NMBR: variants seen among roughly 807,000 people sequenced by gnomAD.
NMBR encodes the protein neuromedin B receptor.
NMBR carries 16 observed loss-of-function variants against 20.5 expected under a neutral mutation model. The ratio of observed to expected loss-of-function variants is 0.78; its 90% CI spans 0.53 to 1.19. The LOEUF is 1.19. NMBR is among the 50% of genes most tolerant of loss of function. The pLI is 0.00. For synonymous variants in NMBR, 212 were observed against 196.6 expected (o/e 1.08, Z -0.65); for missense variants, 582 against 499.1 (o/e 1.17, Z -1.58).
In NMBR at chr6:142,089,024, A is replaced by G. The variant is rs754186720; in HGVS notation, c.-366T>C. On this transcript the variant is annotated 5_prime_UTR_variant, in exon 2 of 4. Coordinates refer to ENST00000258042, the MANE Select transcript of NMBR (RefSeq NM_002511.4). Reference sequence around the variant, plus strand: ...GAGCTGTCCCTTGGGGATCAGTAGAAGCACCTGCCGGACTCTTCGCCCAGA... The same window carrying G: ...GAGCTGTCCCTTGGGGATCAGTAGAGGCACCTGCCGGACTCTTCGCCCAGA... 5.7e-6 allele frequency: 1 copy of G among 176,924 alleles called. No individual in the cohort carries two copies. The highest frequency in any genetic ancestry group is 2.4e-5 in the African/African-American group (1 of 42,322). The allele number at this position is 176,924 out of a possible 1,614,324, so 11.0% of individuals were successfully genotyped here. A position where few individuals can be genotyped will look rare whatever the true frequency, so the allele number is the denominator to read the frequency against.
intron 2 of NMBR, among the ~76,000 whole-genome samples, chr6:142,087,439 G>A (rs1423967024): frequency 3.3e-5 from 5 of 152,078 alleles, no homozygotes; most frequent in Non-Finnish European, 7.4e-5. Context: ...TGGACCCTGA[G>A]TCAGGAGACT....
At chr6:142,095,741 T>G (rs1222907944) in intron 1 of NMBR, among the ~76,000 whole-genome samples, 2 of 152,230 alleles carry the variant, frequency 1.3e-5, no homozygotes, top group Non-Finnish European at 2.9e-5. Flanking sequence ...CAGTTCCTCC[T>G]TGTACCTCTG....
intron 1 of NMBR, among the ~76,000 whole-genome samples, chr6:142,129,742 A>T (rs1289793146): frequency 6.6e-6 from 1 of 152,166 alleles, no homozygotes; most frequent in Non-Finnish European, 1.5e-5. Context: ...AATATATAGT[A>T]GTCTGTATAA....
At chr6:142,118,806 A>G (rs1463790976) in intron 1 of NMBR, among the ~76,000 whole-genome samples, 3 of 151,982 alleles carry the variant, frequency 2.0e-5, no homozygotes, top group Non-Finnish European at 4.4e-5. Context: ...ACAAAGGGTG[A>G]GAGTAGCAGA....
intron 1 of NMBR, among the ~76,000 whole-genome samples, chr6:142,130,830 C>A (rs918445626): frequency 3.3e-5 from 5 of 152,076 alleles, no homozygotes; most frequent in Admixed American, 2.6e-4. Context: ...CCACTGACAA[C>A]AATGGACCAG....
intron 3 of NMBR, 29 bp from the exon 4 acceptor site, chr6:142,076,078 G>T (rs757632828): frequency 6.5e-7 from 1 of 1,529,946 alleles, no homozygotes; most frequent in Non-Finnish European, 8.7e-7. Flanking sequence ...GATCCCATTG[G>T]TTAAAGTGAA....
At position 142,084,778 on chromosome 6, in the gene NMBR, C is replaced by T. The variant is rs77051553; in HGVS notation, c.422+3459G>A. Among the ~76,000 whole-genome samples the T allele has an allele frequency of 1.6e-3, 247 of 152,262 alleles. 4 individuals carry two copies. The East Asian group carries it at 0.041, about 25-fold the overall frequency. ...TTCCAAATTTGGAAACGCAGCTACT[C>T]ATATACAGAGAAAGAGATAACTATA... is the stretch of plus-strand genomic sequence containing the variant. On this transcript the variant is annotated intron_variant, in intron 2 of 3. Transcript: ENST00000258042.
intron 1 of NMBR, among the ~76,000 whole-genome samples, chr6:142,097,250 G>A (rs1387456406): frequency 3.3e-5 from 5 of 152,138 alleles, no homozygotes; most frequent in African/African-American, 4.8e-5. Context: ...GTTAGTTGAT[G>A]CAGTTTCTTC....
In NMBR at chr6:142,088,974, C is replaced by G. The variant is rs1355824886; in HGVS notation, c.-316G>C. Among the ~76,000 whole-genome samples the G allele has an allele frequency of 6.6e-6, 1 of 151,734 alleles. No homozygotes were observed. The highest frequency in any genetic ancestry group is 1.5e-5 in the Non-Finnish European group (1 of 67,976). On this transcript the variant is annotated 5_prime_UTR_variant, in exon 2 of 4. Transcript: ENST00000258042. ...GTGGTTTGTTCTCGCGGTTATCTAG[C>G]GGAAAACAGCCTTTCAGGAACAAGG...
rs6940135 is a variant in NMBR at position 142,106,788 on chromosome 6, C to A, written c.-663-17467G>T. Reference sequence around the variant, plus strand: ...AATATTGTATTGCCATTTGCTCAAACTAAGGGAAAAATACAGTGCCCAAGT... The same window carrying A: ...AATATTGTATTGCCATTTGCTCAAAATAAGGGAAAAATACAGTGCCCAAGT... On this transcript the variant is annotated intron_variant, in intron 1 of 3. Transcript: ENST00000258042. 1.0e-2 allele frequency among the ~76,000 whole-genome samples: 1,520 copies of A among 152,270 alleles called. 23 individuals carry two copies. Among genetic ancestry groups the A allele is most frequent in the African/African-American group, 0.033 (1,385 of 41,554 alleles).
Position 142,088,539 on chromosome 6 carries a change from C to G in NMBR, c.120G>C (p.Leu40Phe). ...LPASDGTTTE[L>F]VIRCVIPSLY... ...GGGACGGGATCACACAGCGGATCAC[C>G]AACTCCGTGGTGGTCCCGTCCGAGG... The change falls in exon 2 of 4, where the codon TTG becomes TTC. Residue 40 changes from leucine (L) to phenylalanine (F), a missense_variant. Leu to Phe is a conservative substitution (Grantham distance 22, BLOSUM62 0). Coordinates refer to ENST00000258042, the MANE Select transcript of NMBR (RefSeq NM_002511.4). 6.2e-7 allele frequency: 1 copy of G among 1,614,054 alleles called. No individual in the cohort carries two copies. The highest frequency in any genetic ancestry group is 8.5e-7 in the Non-Finnish European group (1 of 1,180,022).
chr6:142,076,777 T>C (rs895864852), intron 3 of NMBR, among the ~76,000 whole-genome samples: 8 of 152,236 alleles, frequency 5.3e-5, no homozygotes, highest in African/African-American at 1.9e-4. Flanking sequence ...AGGGGTACCT[T>C]ACATTTGTCT....
intron 1 of NMBR, among the ~76,000 whole-genome samples, chr6:142,144,495 G>T (rs1778400379): frequency 6.6e-6 from 1 of 151,960 alleles, no homozygotes; most frequent in African/African-American, 2.4e-5. Flanking sequence ...CCCCTATTTT[G>T]TTCTACAGCT....
intron 1 of NMBR, among the ~76,000 whole-genome samples, chr6:142,115,017 A>G (rs996301139): frequency 6.6e-6 from 1 of 152,148 alleles, no homozygotes; most frequent in Non-Finnish European, 1.5e-5. Context: ...GCAAGAAGCT[A>G]AATCTGCAAA....
Position 142,083,894 on chromosome 6 carries a change from T to C in NMBR, c.422+4343A>G, listed in dbSNP as rs983671839. 4.6e-5 allele frequency among the ~76,000 whole-genome samples: 7 copies of C among 152,326 alleles called. No homozygotes were observed. The East Asian group carries it at 7.7e-4, about 17-fold the overall frequency. On this transcript the variant is annotated intron_variant, in intron 2 of 3. Coordinates refer to ENST00000258042, the MANE Select transcript of NMBR (RefSeq NM_002511.4). The stretch of plus-strand genomic sequence containing the variant: ...TAATACAAAGCTGAACAAAAATAAG[T>C]TGAACATAAATAAGTCATCACTCTA...
At chr6:142,084,584 G>A (rs1777164803) in intron 2 of NMBR, among the ~76,000 whole-genome samples, 1 of 152,008 alleles carries the variant, frequency 6.6e-6, no homozygotes, top group African/African-American at 2.4e-5. Context: ...TTGATATCTA[G>A]TTTTATATTT....
intron 2 of NMBR, among the ~76,000 whole-genome samples, chr6:142,087,369 A>G (rs1582839559): frequency 1.3e-5 from 2 of 152,322 alleles, no homozygotes; most frequent in South Asian, 4.1e-4. Flanking sequence ...CAGCTCCATG[A>G]AAAGGTACCT....
chr6:142,110,069 A>T (rs892332856), intron 1 of NMBR, among the ~76,000 whole-genome samples: 3 of 152,178 alleles, frequency 2.0e-5, no homozygotes, highest in African/African-American at 7.2e-5. Context: ...GATGGACACA[A>T]AAAAAAGTGT....
chr6:142,117,954 G>T (rs916225070), intron 1 of NMBR, among the ~76,000 whole-genome samples: 14 of 151,984 alleles, frequency 9.2e-5, no homozygotes, highest in African/African-American at 3.4e-4. Context: ...ATGACATGAG[G>T]AATAAGCACT....
Sources: gnomAD v4.1 joint callset for allele counts (sites outside exome capture counted in the v4.1 genomes callset) on GRCh38, gnomAD v4.1.1 for gene constraint, MANE v1.5 for transcripts, NCBI Gene and HGNC (gene_info 2026-07-23, HGNC 2026-07-21) for gene names.